The following NOTCH2 variants were observed in gnomAD, a reference collection of about 807,000 sequenced individuals.
NOTCH2 encodes the protein notch receptor 2.
NOTCH2 carries 29 observed loss-of-function variants against 235.8 expected under a neutral mutation model. That is an observed-to-expected ratio of 0.12 (90% CI 0.09 to 0.17). The LOEUF (loss-of-function observed/expected upper bound fraction) is 0.17. Ranked by LOEUF, NOTCH2 falls within the 10% of genes least tolerant of loss-of-function variation. The pLI is 1.00. For missense variants in NOTCH2, 2,285 were observed against 3,150.2 expected (o/e 0.73, Z 6.57); for synonymous variants, 1,086 against 1,141.5 (o/e 0.95, Z 0.98).
chr1:119,985,462 C>A (rs1651980197), intron 5 of NOTCH2, among the ~76,000 whole-genome samples: 1 of 152,074 alleles, frequency 6.6e-6, no homozygotes, highest in Non-Finnish European at 1.5e-5. Context: ...GAAGTTTTCC[C>A]CAAGAGCAGG....
intron 2 of NOTCH2, among the ~76,000 whole-genome samples, chr1:120,023,231 A>T (rs1457414586): frequency 4.0e-5 from 6 of 150,598 alleles, no homozygotes; most frequent in Non-Finnish European, 8.9e-5. Context: ...AGGTCAGGAG[A>T]TAGAGACCAT....
At chr1:119,938,774 A>G (rs1649956755) in intron 19 of NOTCH2, among the ~76,000 whole-genome samples, 1 of 151,460 alleles carries the variant, frequency 6.6e-6, no homozygotes, top group Non-Finnish European at 1.5e-5. Flanking sequence ...TCTGCTTCCC[A>G]GGTTCACGCC....
chr1:120,037,709 T>C (rs1332740303), intron 1 of NOTCH2, among the ~76,000 whole-genome samples: 2 of 151,726 alleles, frequency 1.3e-5, no homozygotes, highest in East Asian at 3.9e-4. Flanking sequence ...AAGAGATAAA[T>C]CGATTTTGTT....
At position 119,955,125 on chromosome 1, in the gene NOTCH2, G is replaced by A. The variant is rs782035658; in HGVS notation, c.2134C>T (p.Pro712Ser). ...NGFRCICPEGPHHPSCYSQVN... is the reference protein window; with the variant it reads ...NGFRCICPEGSHHPSCYSQVN... ...TGTGAGTAGCAGCTGGGGTGATGGG[G>A]TCCCTCGGGGCATATACAGCGGAAA... Residue 712 changes from proline (P) to serine (S), a missense_variant, in exon 13 of 34, where the codon CCC becomes TCC. Transcript: ENST00000256646. The A allele has an allele frequency of 1.2e-5, 19 of 1,614,116 alleles. No homozygotes were observed. Among genetic ancestry groups the A allele is most frequent in the Non-Finnish European group, 1.6e-5 (19 of 1,180,008 alleles).
At chr1:120,038,778 G>A (rs1272848158) in intron 1 of NOTCH2, among the ~76,000 whole-genome samples, 2 of 148,766 alleles carry the variant, frequency 1.3e-5, no homozygotes, top group Non-Finnish European at 3.0e-5. Context: ...CCTTTAACAA[G>A]GATGAAAAGT....
intron 31 of NOTCH2, 128 bp from the exon 32 acceptor site, chr1:119,918,681 T>C (rs1342576613): frequency 3.4e-6 from 3 of 881,376 alleles, no homozygotes; most frequent in Non-Finnish European, 1.8e-6. Context: ...GAAAGTCTTG[T>C]TATCTTTGTG....
Position 119,919,478 on chromosome 1 carries a change from T to G in NOTCH2, c.5615A>C (p.Gln1872Pro). 6.2e-7 allele frequency: 1 copy of G among 1,613,874 alleles called. No individual in the cohort carries two copies. Among genetic ancestry groups the G allele is most frequent in the Non-Finnish European group, 8.5e-7 (1 of 1,180,038 alleles). The change falls in exon 31 of 34, where the codon CAG becomes CCG. Residue 1872 changes from glutamine to proline, a missense_variant. Physicochemically the swap from Gln to Pro is moderately conservative, Grantham distance 76 (BLOSUM62 -1). This residue lies in a region of NOTCH2 where 128 missense variants were observed against 255.9 expected (regional missense o/e 0.50). Coordinates refer to ENST00000256646, the MANE Select transcript of NOTCH2 (RefSeq NM_024408.4). ...GGCCATCTCACCAGTCCGGTCTGTC[T>G]GGGCCTGGAGGCTGGCACCCTGGTA... is the stretch of plus-strand genomic sequence containing the variant. ...LVYQGASLQA[Q>P]TDRTGEMALH...
rs1463376835 is a variant in NOTCH2, at chr1:119,959,527, C to T, written c.1916-25G>A. 4.9e-6 allele frequency: 6 copies of T among 1,224,238 alleles called. No individual in the cohort carries two copies. The Admixed American group carries it at 8.4e-5, about 17-fold the overall frequency. 75.8% of individuals were successfully genotyped at this position (1,224,238 alleles called of 1,614,324 possible). ...CCTGGAAGAGAAAACCCAACGGAAA[C>T]CATTCAATGTTACCACAGAAATACT... On this transcript the variant is annotated intron_variant, in intron 11 of 33. Coordinates refer to ENST00000256646, the MANE Select transcript of NOTCH2 (RefSeq NM_024408.4).
In NOTCH2 at chr1:119,937,964, G is replaced by A. The variant is rs2101100079; in HGVS notation, c.3230C>T (p.Thr1077Ile). Residue 1077 changes from threonine to isoleucine, a missense_variant, in exon 20 of 34, where the codon ACT (threonine) becomes ATT (isoleucine). By Grantham distance (89) the Thr-to-Ile change is moderately conservative. Coordinates refer to ENST00000256646, the MANE Select transcript of NOTCH2 (RefSeq NM_024408.4). ...GGACTCTGCTTTTTTCTGAACGCAA[G>A]TACCTTTGTTTTTACATGGAGACCG... is the stretch of plus-strand genomic sequence containing the variant. ...CSRSPCKNKG[T>I]CVQKKAESQC... 1.9e-6 allele frequency: 3 copies of A among 1,614,168 alleles called. No homozygotes were observed. Among genetic ancestry groups the A allele is most frequent in the Non-Finnish European group, 2.5e-6 (3 of 1,180,026 alleles).
intron 31 of NOTCH2, 84 bp from the exon 32 acceptor site, chr1:119,918,637 G>T: frequency 1.4e-6 from 2 of 1,390,080 alleles, no homozygotes; most frequent in Non-Finnish European, 2.0e-6. Context: ...GGGCATCAGA[G>T]CTGAGGCTAC....
chr1:119,996,031 C>T (rs1652432184), intron 4 of NOTCH2: 1 of 152,984 alleles, frequency 6.5e-6, no homozygotes, highest in Non-Finnish European at 1.5e-5. Context: ...GCACATTACT[C>T]CCCCCTACAG....
intron 9 of NOTCH2, 29 bp downstream of exon 9, chr1:119,966,347 G>GA: frequency 6.6e-7 from 1 of 1,504,222 alleles, no homozygotes; most frequent in Non-Finnish European, 9.3e-7. Context: ...TGCTTTAAGA[G>GA]AAAACAGGGC....
intron 15 of NOTCH2, among the ~76,000 whole-genome samples, chr1:119,949,702 G>A (rs782470411): frequency 6.6e-6 from 1 of 151,908 alleles, no homozygotes; most frequent in Non-Finnish European, 1.5e-5. Flanking sequence ...TCTTCTAGAG[G>A]GGAAAAAGTA....
intron 5 of NOTCH2, among the ~76,000 whole-genome samples, chr1:119,973,607 G>A (rs1286456299): frequency 1.3e-5 from 2 of 152,164 alleles, no homozygotes; most frequent in Non-Finnish European, 2.9e-5. Flanking sequence ...TACAGATGAG[G>A]TCGCTGATCC....
intron 2 of NOTCH2, among the ~76,000 whole-genome samples, chr1:120,012,528 C>T (rs1653243455): frequency 6.6e-6 from 1 of 151,946 alleles, no homozygotes; most frequent in Admixed American, 6.6e-5. Context: ...CTTTTAAATC[C>T]ATCATATTGA....
intron 20 of NOTCH2, 69 bp from the exon 21 acceptor site, chr1:119,937,535 G>C: frequency 1.4e-6 from 2 of 1,452,108 alleles, no homozygotes; most frequent in Non-Finnish European, 1.9e-6. Context: ...ATCAACCAAT[G>C]AGCAAGTAAA....
chr1:119,926,443 C>T, intron 24 of NOTCH2, 56 bp downstream of exon 24: 3 of 1,294,554 alleles, frequency 2.3e-6, no homozygotes, highest in Non-Finnish European at 3.3e-6. Context: ...CAGTTCTGTT[C>T]ACAGATTGTA....
At chr1:120,065,760 C>G (rs1408305197) in intron 1 of NOTCH2, among the ~76,000 whole-genome samples, 2 of 151,914 alleles carry the variant, frequency 1.3e-5, no homozygotes, top group Admixed American at 1.3e-4. Flanking sequence ...AAGTCATTTG[C>G]AGAGAAAGGG....
At position 119,940,663 on chromosome 1, in the gene NOTCH2, C is replaced by T. The variant is rs782566942; in HGVS notation, c.3075G>A (p.Glu1025=). 6 of 1,614,156 alleles carry T rather than the reference C, an allele frequency of 3.7e-6. No individual in the cohort carries two copies. The highest frequency in any genetic ancestry group is 1.3e-5 in the African/African-American group (1 of 75,024). ...VGFTGSFCLH[E]INECSSHPCL... is the part of the protein sequence containing the mutation. ...ATGGATGAGAGCTGCATTCATTGAT[C>T]TCATGGAGGCAGAAGGATCCAGTGA... Residue 1025 remains glutamate (E), a synonymous_variant, in exon 19 of 34, where the codon GAG becomes GAA. Coordinates refer to ENST00000256646, the MANE Select transcript of NOTCH2 (RefSeq NM_024408.4).
Sources: gnomAD v4.1 joint callset for allele counts (sites outside exome capture counted in the v4.1 genomes callset) on GRCh38, gnomAD v4.1.1 for gene constraint, gnomAD v4.1.1 regional missense constraint, MANE v1.5 for transcripts, NCBI Gene and HGNC (gene_info 2026-07-23, HGNC 2026-07-21) for gene names.